IQCE: variants seen among roughly 807,000 people sequenced by gnomAD.
IQCE encodes the protein IQ domain-containing protein E.
Under a neutral mutation model 96.0 loss-of-function variants are expected in IQCE, and 115 were observed. The observed-to-expected ratio is 1.20, with a 90% CI of 1.03 to 1.40. IQCE has a LOEUF of 1.40. Among genes scored for constraint, IQCE ranks in the 40% most tolerant of loss-of-function variants. The pLI is 0.00. For missense variants in IQCE, 1,041 were observed against 909.1 expected (o/e 1.15, Z -1.87); for synonymous variants, 412 against 371.2 (o/e 1.11, Z -1.26).
intron 5 of IQCE, chr7:2,572,970 T>C (rs1311564304): frequency 3.0e-6 from 1 of 328,454 alleles, no homozygotes; most frequent in African/African-American, 2.2e-5. Flanking sequence ...TTGGGAGTTA[T>C]CTTTTAGGCT....
rs567762468 is a variant in IQCE at position 2,567,955 on chromosome 7, C to T, written c.84+792C>T. 3.9e-5 allele frequency among the ~76,000 whole-genome samples: 6 copies of T among 152,294 alleles called. No individual in the cohort carries two copies. The South Asian group carries it at 1.2e-3, about 32-fold the overall frequency. ...CCAAACCAAGCCCCAGGGAAAATTC[C>T]CCCCGCGCAGAACTTGGGGCTCAAT... On this transcript the variant is annotated intron_variant, in intron 2 of 21. Transcript: ENST00000402050.
At chr7:2,585,848 T>C (rs1309974270) in intron 11 of IQCE, among the ~76,000 whole-genome samples, 2 of 152,224 alleles carry the variant, frequency 1.3e-5, no homozygotes, top group Non-Finnish European at 2.9e-5. Context: ...TCGACTGTAC[T>C]TTACACCTCC....
intron 8 of IQCE, among the ~76,000 whole-genome samples, chr7:2,578,942 C>T (rs1014580984): frequency 6.6e-6 from 1 of 151,964 alleles, no homozygotes; most frequent in Non-Finnish European, 1.5e-5. Flanking sequence ...TCCTGTAGTC[C>T]CGGCTACTCA....
rs73045003 is a variant in IQCE at position 2,612,362 on chromosome 7, C to T, written c.*2200C>T. 17,155 of 152,440 alleles carry T rather than the reference C, an allele frequency of 0.11. 1,040 individuals carry two copies. Among genetic ancestry groups the T allele is most frequent in the Admixed American group, 0.14 (2,176 of 15,304 alleles). 9.4% of individuals were successfully genotyped at this position (152,440 alleles called of 1,614,324 possible). ...GGTCACCAGTCCCCTTTGCTGGGTA[C>T]AGCCTGCCTGGCTGTTCTGTGGTCC... On this transcript the variant is annotated 3_prime_UTR_variant, in exon 22 of 22. Transcript: ENST00000402050.
At chr7:2,578,378 A>G in intron 7 of IQCE, 23 bp downstream of exon 7, 2 of 1,612,256 alleles carry the variant, frequency 1.2e-6, no homozygotes, top group Non-Finnish European at 1.7e-6. Flanking sequence ...CGCTTCACGG[A>G]CGGGGCAAGG....
intron 8 of IQCE, among the ~76,000 whole-genome samples, chr7:2,580,676 C>T (rs1390496496): frequency 6.6e-6 from 1 of 151,964 alleles, no homozygotes; most frequent in East Asian, 1.9e-4. Flanking sequence ...AGTGTGGATT[C>T]ACAGGCGCCA....
chr7:2,588,654 G>GTTTT lies in IQCE; in HGVS notation c.1044+802_1044+805dup, dbSNP rs370704456. 3.8e-4 allele frequency among the ~76,000 whole-genome samples: 19 copies of GTTTT among 49,758 alleles called. 4 individuals carry two copies. The highest frequency in any genetic ancestry group is 6.1e-4 in the African/African-American group (7 of 11,450). 32.6% of individuals were successfully genotyped at this position (49,758 alleles called of 152,430 possible). ...AGACGTGAGCCACTGTGCCTGGCTG[G>GTTTT]TTTTTTTTTTTTTTTTTTTTTTTTT... On this transcript the variant is annotated intron_variant, in intron 13 of 21. Transcript: ENST00000402050.
At chr7:2,605,304 G>A (rs1394171307) in intron 19 of IQCE, among the ~76,000 whole-genome samples, 1 of 152,204 alleles carries the variant, frequency 6.6e-6, no homozygotes, top group African/African-American at 2.4e-5. Context: ...CCTCTGTATT[G>A]AGGACCAGGT....
chr7:2,609,986 G>C (rs1217650253), intron 21 of IQCE, 58 bp from the exon 22 acceptor site: 27 of 941,038 alleles, frequency 2.9e-5, no homozygotes, highest in South Asian at 1.0e-4. Flanking sequence ...GGGTGTCCGT[G>C]GTGGCAGCCC....
intron 18 of IQCE, among the ~76,000 whole-genome samples, chr7:2,602,974 G>A (rs1562678565): frequency 6.6e-6 from 1 of 152,176 alleles, no homozygotes. Flanking sequence ...CCCTGAGGAA[G>A]GGACCCCTGC....
At chr7:2,605,160 G>GCAGGCCCCTCTGCA (rs1309013967) in intron 19 of IQCE, among the ~76,000 whole-genome samples, 169 bp downstream of exon 19, 1 of 152,200 alleles carries the variant, frequency 6.6e-6, no homozygotes, top group Non-Finnish European at 1.5e-5. Flanking sequence ...GCTTCTCTGC[G>GCAGGCCCCTCTGCA]CAGGCCCCTC....
intron 11 of IQCE, 182 bp downstream of exon 11, chr7:2,584,467 G>C: frequency 1.5e-6 from 1 of 676,156 alleles, no homozygotes; most frequent in East Asian, 2.6e-5. Context: ...AGTGTTCACA[G>C]ACTCCTCATA....
chr7:2,569,123 A>C (rs972021616), intron 3 of IQCE, 124 bp downstream of exon 3: 2 of 885,434 alleles, frequency 2.3e-6, no homozygotes, highest in African/African-American at 1.7e-5. Flanking sequence ...AGTTGGCCCC[A>C]TTCCCACTGG....
At chr7:2,563,315 G>T (rs1781104565) in intron 1 of IQCE, among the ~76,000 whole-genome samples, 1 of 151,776 alleles carries the variant, frequency 6.6e-6, no homozygotes, top group South Asian at 2.1e-4. Context: ...TCCCACCTCA[G>T]TCTCCTGTGT....
chr7:2,596,664 C>CTT lies in IQCE; in HGVS notation c.1440+1693_1440+1694dup, dbSNP rs968201179. On this transcript the variant is annotated intron_variant, in intron 16 of 21. Transcript: ENST00000402050. ...ATTTATAAGCGTGTGAAAATTTAGA[C>CTT]TTTTTTAGCTGTCTGTAGTTGTGTG... is the stretch of plus-strand genomic sequence containing the variant. 7.2e-5 allele frequency among the ~76,000 whole-genome samples: 11 copies of CTT among 152,250 alleles called. 1 individual carries two copies. Among genetic ancestry groups the CTT allele is most frequent in the Non-Finnish European group, 2.9e-5 (2 of 68,018 alleles).
At chr7:2,603,379 G>C (rs1020181500) in intron 18 of IQCE, among the ~76,000 whole-genome samples, 2 of 152,226 alleles carry the variant, frequency 1.3e-5, no homozygotes, top group Admixed American at 6.5e-5. Flanking sequence ...CATGTGGGAG[G>C]CATGGGGTAA....
intron 16 of IQCE, among the ~76,000 whole-genome samples, chr7:2,597,932 T>G (rs1446559230): frequency 6.6e-6 from 1 of 152,208 alleles, no homozygotes; most frequent in Non-Finnish European, 1.5e-5. Context: ...CCCCCCACAT[T>G]GTTGGGATTA....
At chr7:2,564,057 A>T (rs774994010) in intron 1 of IQCE, among the ~76,000 whole-genome samples, 14 of 150,274 alleles carry the variant, frequency 9.3e-5, no homozygotes, top group African/African-American at 3.4e-4. Flanking sequence ...AAAATACAAA[A>T]AAAAATTAGC....
intron 16 of IQCE, chr7:2,596,801 G>C: frequency 2.7e-6 from 1 of 370,454 alleles, no homozygotes; most frequent in East Asian, 7.4e-5. Context: ...CTGAAAATGT[G>C]TCAGGACTGA....
Sources: allele counts gnomAD v4.1 joint callset (sites outside exome capture counted in the v4.1 genomes callset), GRCh38; gene constraint gnomAD v4.1.1; transcripts MANE v1.5; gene names NCBI Gene and HGNC (gene_info 2026-07-23, HGNC 2026-07-21).